TSEN2: variants seen among roughly 807,000 people sequenced by gnomAD.
The protein encoded by TSEN2 is tRNA splicing endonuclease subunit 2.
In TSEN2, 54 loss-of-function variants were observed where a neutral mutation model predicts 59.2. The ratio of observed to expected loss-of-function variants is 0.91; its 90% CI spans 0.73 to 1.14. The LOEUF is 1.14. TSEN2 is among the 50% of genes most tolerant of loss of function. The probability of loss-of-function intolerance (pLI) is 0.00; values close to 1 mark genes in which losing one functional copy is unlikely to be tolerated. For synonymous variants in TSEN2, 195 were observed against 198.2 expected, an observed-to-expected ratio of 0.98 and a Z score of 0.14; for missense variants, 636 against 576.2, an observed-to-expected ratio of 1.10 and a Z score of -1.06.
intron 4 of TSEN2, among the ~76,000 whole-genome samples, chr3:12,499,253 G>C (rs80237133): frequency 0.026 from 3,957 of 152,288 alleles, 176 homozygotes; most frequent in African/African-American, 0.089. Flanking sequence ...GTATGTCCCT[G>C]AAGGACCAGC....
chr3:12,534,212 C>T (rs2057615294), downstream of TSEN2, among the ~76,000 whole-genome samples: 1 of 152,152 alleles, frequency 6.6e-6, no homozygotes, highest in African/African-American at 2.4e-5. Flanking sequence ...TGGGGTGCAG[C>T]CTGAAGCCCC....
At chr3:12,524,803 C>T (rs1218607654) in intron 8 of TSEN2, among the ~76,000 whole-genome samples, 10 of 144,480 alleles carry the variant, frequency 6.9e-5, no homozygotes, top group Non-Finnish European at 1.2e-4. Flanking sequence ...AGTGCAGTGG[C>T]GCGATCTCAG....
chr3:12,481,066 C>G (rs1002071730), upstream of TSEN2, among the ~76,000 whole-genome samples: 1 of 152,092 alleles, frequency 6.6e-6, no homozygotes, highest in African/African-American at 2.4e-5. Flanking sequence ...TAGTAAGTGC[C>G]CAATAAATTG....
intron 8 of TSEN2, among the ~76,000 whole-genome samples, chr3:12,526,137 A>G (rs1424483166): frequency 1.3e-5 from 2 of 151,988 alleles, no homozygotes; most frequent in African/African-American, 2.4e-5. Flanking sequence ...CCAGGAGTTC[A>G]AGACCAGCCT....
intron 4 of TSEN2, among the ~76,000 whole-genome samples, chr3:12,497,226 A>C (rs1462221116): frequency 6.6e-6 from 1 of 152,058 alleles, no homozygotes; most frequent in Non-Finnish European, 1.5e-5. Context: ...GCAGTGCCAC[A>C]CTTTGTGGTC....
Position 12,528,888 on chromosome 3 carries a change from T to C in TSEN2, c.1100T>C (p.Leu367Pro), listed in dbSNP as rs753056668. The change falls in exon 9 of 12, where the codon CTG becomes CCG. Residue 367 changes from leucine (L) to proline (P), a missense_variant and splice_region_variant. Physicochemically the swap from Leu to Pro is moderately conservative, Grantham distance 98 (BLOSUM62 -3). Coordinates refer to ENST00000284995, the MANE Select transcript of TSEN2 (RefSeq NM_025265.4). Reference sequence around the variant, plus strand: ...TCTTTTTTTTCTTTCTTCTTTGCAGTGCTATATCGGAAAGGCCCTCCATTT... The same window carrying C: ...TCTTTTTTTTCTTTCTTCTTTGCAGCGCTATATCGGAAAGGCCCTCCATTT... Reference protein sequence around the residue: ...KVGLKYGTDLLLYRKGPPFYH... With the variant: ...KVGLKYGTDLPLYRKGPPFYH... The C allele has an allele frequency of 3.7e-6, 6 of 1,613,962 alleles. No individual in the cohort carries two copies. The highest frequency in any genetic ancestry group is 3.3e-5 in the Admixed American group (2 of 60,002).
chr3:12,532,671 C>G lies in TSEN2; in HGVS notation c.1348C>G (p.Leu450Val). 6.2e-7 allele frequency: 1 copy of G among 1,613,926 alleles called. No homozygotes were observed. The highest frequency in any genetic ancestry group is 1.6e-4 in the Middle Eastern group (1 of 6,062). The change falls in exon 12 of 12, where the codon CTG (leucine) becomes GTG (valine). Residue 450 changes from leucine (L) to valine (V), a missense_variant. Physicochemically the swap from Leu to Val is conservative, Grantham distance 32 (BLOSUM62 1). Transcript: ENST00000284995. ...TTTTTATTGGTTGTAGGAGGTGATT[C>G]TGAGTCGATGGGTTTCTTCACGAGA... ...MKRIKVQEVILSRWVSSRERS... is the reference protein window; with the variant it reads ...MKRIKVQEVIVSRWVSSRERS...
At position 12,484,805 on chromosome 3, in the gene TSEN2, A is replaced by C. The variant is rs1023897605; in HGVS notation, c.-93A>C. On this transcript the variant is annotated 5_prime_UTR_variant, in exon 1 of 12. Coordinates refer to ENST00000284995, the MANE Select transcript of TSEN2 (RefSeq NM_025265.4). ...GGGGCTGGGGCGCAAGGTGCAGCTG[A>C]CAATGCCCGAGAGGAGCCGCAGCCT... 2 of 152,400 alleles carry C rather than the reference A, an allele frequency of 1.3e-5. No individual in the cohort carries two copies. Among genetic ancestry groups the C allele is most frequent in the Non-Finnish European group, 2.9e-5 (2 of 68,220 alleles). 9.4% of individuals were successfully genotyped at this position (152,400 alleles called of 1,614,324 possible).
At chr3:12,523,201 T>C (rs1010331664) in intron 8 of TSEN2, among the ~76,000 whole-genome samples, 8 of 152,326 alleles carry the variant, frequency 5.3e-5, no homozygotes, top group Admixed American at 3.9e-4. Flanking sequence ...TACACAGTTA[T>C]GGTTTGATTT....
chr3:12,482,457 T>A (rs889172448), upstream of TSEN2, among the ~76,000 whole-genome samples: 1 of 152,246 alleles, frequency 6.6e-6, no homozygotes, highest in African/African-American at 2.4e-5. Context: ...TCTCTACTTT[T>A]GTGTTGTATG....
At chr3:12,539,082 G>GT (rs1417616803) in intron 10 of TSEN2, 1 of 416,018 alleles carries the variant, frequency 2.4e-6, no homozygotes, top group Non-Finnish European at 4.6e-6. Context: ...TTCTGAGGGG[G>GT]TTTTTGGTTT....
upstream of TSEN2, among the ~76,000 whole-genome samples, chr3:12,482,410 C>T (rs919455015): frequency 1.3e-5 from 2 of 152,198 alleles, no homozygotes; most frequent in African/African-American, 2.4e-5. Context: ...CATGAGCCAC[C>T]GTGCCCGGCC....
chr3:12,515,496 C>T (rs537615155), intron 6 of TSEN2, among the ~76,000 whole-genome samples: 19 of 152,202 alleles, frequency 1.2e-4, no homozygotes, highest in African/African-American at 4.1e-4. Context: ...GAAATGTGAC[C>T]CCATTTTACC....
chr3:12,498,122 C>T (rs564036137), intron 4 of TSEN2, among the ~76,000 whole-genome samples: 4 of 149,372 alleles, frequency 2.7e-5, no homozygotes, highest in Admixed American at 6.7e-5. Context: ...TATGTATTTT[C>T]GGGGTATGGG....
chr3:12,489,071 C>T (rs1011427469), intron 1 of TSEN2, among the ~76,000 whole-genome samples: 2 of 148,050 alleles, frequency 1.4e-5, no homozygotes, highest in Admixed American at 6.7e-5. Context: ...CTTGATTTTG[C>T]AGGTGAGGAA....
chr3:12,500,669 T>C (rs948923117), intron 4 of TSEN2, among the ~76,000 whole-genome samples: 1 of 152,212 alleles, frequency 6.6e-6, no homozygotes, highest in Admixed American at 6.5e-5. Flanking sequence ...ATAGTAGTAT[T>C]GATTGAACAC....
At chr3:12,484,452 C>G (rs1025593891), upstream of TSEN2, 2 of 152,258 alleles carry the variant, frequency 1.3e-5, no homozygotes, top group African/African-American at 4.8e-5. Context: ...CACTGCTTGA[C>G]GGCAGCGGTG....
At chr3:12,507,187 C>T (rs1005051379) in intron 6 of TSEN2, among the ~76,000 whole-genome samples, 9 of 152,070 alleles carry the variant, frequency 5.9e-5, no homozygotes, top group African/African-American at 1.9e-4. Context: ...AGTAAGACTC[C>T]GTCTCTAAAA....
At chr3:12,519,002 A>AACGG in intron 7 of TSEN2, 57 bp from the exon 8 acceptor site, 2 of 1,585,864 alleles carry the variant, frequency 1.3e-6, no homozygotes, top group Non-Finnish European at 1.7e-6. Flanking sequence ...GCCCTGGCTG[A>AACGG]ACGGAGAGTG....
Sources: allele counts gnomAD v4.1 joint callset (sites outside exome capture counted in the v4.1 genomes callset), GRCh38; gene constraint gnomAD v4.1.1; transcripts MANE v1.5; gene names NCBI Gene and HGNC (gene_info 2026-07-23, HGNC 2026-07-21).